Variants in GPHN observed in about 807,000 individuals in gnomAD.
GPHN encodes the protein gephyrin.
Under a neutral mutation model 95.5 loss-of-function variants are expected in GPHN, and 17 were observed. The observed-to-expected ratio is 0.18, with a 90% CI of 0.12 to 0.27. GPHN has a LOEUF of 0.27. GPHN is among the 10% of genes least tolerant of loss of function. The pLI is 1.00. For missense variants in GPHN, 660 were observed against 978.1 expected, an observed-to-expected ratio of 0.67 and a Z score of 4.34; for synonymous variants, 320 against 322.5, an observed-to-expected ratio of 0.99 and a Z score of 0.08.
intron 10 of GPHN, among the ~76,000 whole-genome samples, chr14:67,051,089 A>AG (rs1180001014): frequency 3.3e-5 from 5 of 152,122 alleles, no homozygotes; most frequent in African/African-American, 1.2e-4. Flanking sequence ...CCAAGTTCCT[A>AG]GGGGAGGGGG....
the GPHN span, chr14:67,569,833 G>A: frequency 1.2e-6 from 1 of 813,196 alleles, no homozygotes; most frequent in African/African-American, 1.7e-5. Context: ...CTCCTGGAGG[G>A]AATGCCATCT....
the GPHN span, among the ~76,000 whole-genome samples, chr14:67,713,901 C>T: frequency 6.6e-6 from 1 of 152,122 alleles, no homozygotes; most frequent in East Asian, 1.9e-4. Context: ...AAAACAGCTG[C>T]ATTCTTTTGA....
At chr14:67,320,063 G>T in the GPHN span, among the ~76,000 whole-genome samples, 1 of 152,160 alleles carries the variant, frequency 6.6e-6, no homozygotes, top group Non-Finnish European at 1.5e-5. Context: ...AAAATTAATA[G>T]AAGGAGTATT....
intron 21 of GPHN, among the ~76,000 whole-genome samples, chr14:67,172,415 A>G (rs1050124696): frequency 6.6e-6 from 1 of 152,118 alleles, no homozygotes; most frequent in Non-Finnish European, 1.5e-5. Context: ...TTGCTGCCCA[A>G]AGTAATCATG....
intron 1 of GPHN, among the ~76,000 whole-genome samples, chr14:66,615,834 T>G (rs563548618): frequency 5.4e-5 from 8 of 147,712 alleles, no homozygotes; most frequent in African/African-American, 1.7e-4. Context: ...TTCTTGTAGG[T>G]TTTTTTTTTA....
At chr14:67,400,325 G>C in the GPHN span, among the ~76,000 whole-genome samples, 1 of 152,208 alleles carries the variant, frequency 6.6e-6, no homozygotes, top group Non-Finnish European at 1.5e-5. Flanking sequence ...CAGTGGAATT[G>C]CACATTTTTG....
chr14:66,617,652 A>C (rs2063107803), intron 1 of GPHN, among the ~76,000 whole-genome samples: 1 of 152,198 alleles, frequency 6.6e-6, no homozygotes, highest in Non-Finnish European at 1.5e-5. Flanking sequence ...CTACTCTGCC[A>C]TCTAGATAGT....
chr14:66,626,205 G>T (rs191035143), intron 1 of GPHN, among the ~76,000 whole-genome samples: 2 of 152,202 alleles, frequency 1.3e-5, no homozygotes, highest in East Asian at 3.9e-4. Flanking sequence ...AATCTGTTTA[G>T]CAAGGGCTGA....
the GPHN span, among the ~76,000 whole-genome samples, chr14:67,284,427 C>T: frequency 1.2e-5 from 1 of 82,232 alleles, no homozygotes; most frequent in Non-Finnish European, 1.8e-5. Flanking sequence ...GACCCTATCT[C>T]TTAAAAAAAA....
the GPHN span, among the ~76,000 whole-genome samples, chr14:67,486,379 A>T: frequency 6.6e-6 from 1 of 152,194 alleles, no homozygotes; most frequent in East Asian, 1.9e-4. Context: ...GGTTCAAGCG[A>T]TTCTCCTGCC....
At chr14:67,725,756 T>C in the GPHN span, among the ~76,000 whole-genome samples, 1 of 152,178 alleles carries the variant, frequency 6.6e-6, no homozygotes, top group Non-Finnish European at 1.5e-5. Flanking sequence ...ACACATTTGC[T>C]GAATAAATGA....
chr14:67,068,794 T>C (rs2076169286), intron 11 of GPHN, among the ~76,000 whole-genome samples: 1 of 152,228 alleles, frequency 6.6e-6, no homozygotes, highest in Non-Finnish European at 1.5e-5. Context: ...GAAATATCTC[T>C]TTTAGAATAC....
chr14:67,212,626 T>TAA, the GPHN span, among the ~76,000 whole-genome samples: 1 of 145,236 alleles, frequency 6.9e-6, no homozygotes, highest in African/African-American at 2.5e-5. Flanking sequence ...TAATATATAT[T>TAA]ATATATAATA....
At chr14:66,880,262 T>C (rs946562276) in intron 5 of GPHN, among the ~76,000 whole-genome samples, 1 of 152,150 alleles carries the variant, frequency 6.6e-6, no homozygotes, top group Non-Finnish European at 1.5e-5. Flanking sequence ...TAAGAAACTT[T>C]AGTCTTAACA....
At chr14:66,793,090 G>A (rs778521335) in intron 3 of GPHN, among the ~76,000 whole-genome samples, 18 of 152,242 alleles carry the variant, frequency 1.2e-4, no homozygotes, top group Non-Finnish European at 2.1e-4. Context: ...CTTCCGGCGT[G>A]GGCCTTACAG....
intron 10 of GPHN, among the ~76,000 whole-genome samples, chr14:67,041,314 C>G (rs1399438850): frequency 6.6e-6 from 1 of 151,958 alleles, no homozygotes; most frequent in Non-Finnish European, 1.5e-5. Flanking sequence ...GTTTGCTGCA[C>G]CCATTAACCC....
chr14:67,137,024 G>C (rs1345703547), intron 17 of GPHN, among the ~76,000 whole-genome samples: 2 of 152,090 alleles, frequency 1.3e-5, no homozygotes, highest in Non-Finnish European at 2.9e-5. Flanking sequence ...AAGCATGGTG[G>C]CACACACTTG....
At chr14:67,642,081 T>G in the GPHN span, 5 of 1,110,930 alleles carry the variant, frequency 4.5e-6, no homozygotes, top group Non-Finnish European at 6.5e-6. Flanking sequence ...TGTGACAAAA[T>G]GATTATGATG....
the GPHN span, chr14:67,270,191 A>G: frequency 6.6e-6 from 1 of 152,002 alleles, no homozygotes; most frequent in African/African-American, 2.4e-5. Context: ...AGTCTCAATC[A>G]TTTGCACTTG....
Sources: gnomAD v4.1 joint callset for allele counts (sites outside exome capture counted in the v4.1 genomes callset) on GRCh38, gnomAD v4.1.1 for gene constraint, MANE v1.5 for transcripts, NCBI Gene and HGNC (gene_info 2026-07-23, HGNC 2026-07-21) for gene names.